The following FGF12 variants were observed in gnomAD, a reference collection of about 807,000 sequenced individuals.
FGF12 encodes the protein fibroblast growth factor 12B.
In FGF12, 14 loss-of-function variants were observed where a neutral mutation model predicts 23.6. The ratio of observed to expected loss-of-function variants is 0.59; its 90% CI spans 0.39 to 0.93. The LOEUF (loss-of-function observed/expected upper bound fraction) is 0.93, where lower values mean the gene tolerates loss of function less well. Ranked by LOEUF, FGF12 falls within the 40% of genes least tolerant of loss-of-function variation. FGF12 has a pLI of 0.00. For synonymous variants in FGF12, 62 were observed against 77.3 expected (o/e 0.80, Z 1.04); for missense variants, 175 against 217.8 (o/e 0.80, Z 1.24).
chr3:192,563,845 T>A (rs768964994), intron 2 of FGF12, among the ~76,000 whole-genome samples: 17 of 152,190 alleles, frequency 1.1e-4, no homozygotes, highest in Non-Finnish European at 2.1e-4. Flanking sequence ...CAAGAATACC[T>A]ATATCATAGA....
chr3:192,613,837 T>G (rs1208453751), intron 2 of FGF12, among the ~76,000 whole-genome samples: 2 of 151,936 alleles, frequency 1.3e-5, no homozygotes, highest in Non-Finnish European at 2.9e-5. Context: ...AAACTTTTTT[T>G]TTCAGTAATT....
At chr3:192,579,924 C>A (rs1346964889) in intron 2 of FGF12, among the ~76,000 whole-genome samples, 1 of 152,086 alleles carries the variant, frequency 6.6e-6, no homozygotes, top group Non-Finnish European at 1.5e-5. Context: ...TTCATTATTT[C>A]TTTTATCTAT....
chr3:192,529,521 G>A (rs1725035596), intron 2 of FGF12, among the ~76,000 whole-genome samples: 1 of 152,142 alleles, frequency 6.6e-6, no homozygotes, highest in Non-Finnish European at 1.5e-5. Flanking sequence ...CAGTTCCAAA[G>A]TTGCTTCCAC....
intron 2 of FGF12, among the ~76,000 whole-genome samples, chr3:192,675,203 G>A (rs56213899): frequency 0.039 from 6,003 of 152,042 alleles, 393 homozygotes; most frequent in African/African-American, 0.14. Context: ...CCAGTACACT[G>A]CGGCAACAGG....
chr3:192,416,814 T>G (rs150438623), intron 2 of FGF12, among the ~76,000 whole-genome samples: 1 of 152,132 alleles, frequency 6.6e-6, no homozygotes, highest in African/African-American at 2.4e-5. Context: ...GAGGCATTGA[T>G]GTAGATGTCT....
At position 192,174,307 on chromosome 3, in the gene FGF12, C is replaced by T. The variant is rs114554712; in HGVS notation, c.229-3651G>A. On this transcript the variant is annotated intron_variant, in intron 4 of 5. Coordinates refer to ENST00000445105, the MANE Select transcript of FGF12 (RefSeq NM_004113.6). The stretch of plus-strand genomic sequence containing the variant: ...AGTCCTGGGGTCCTGAGCCAGGAAC[C>T]GCATTAGGTAGGAACCGGGCTTTGA... Among the ~76,000 whole-genome samples, 1,379 of 152,200 alleles carry T rather than the reference C, an allele frequency of 9.1e-3. 20 individuals carry two copies. Among genetic ancestry groups the T allele is most frequent in the African/African-American group, 0.032 (1,315 of 41,516 alleles).
chr3:192,419,929 T>TA (rs1395238364), intron 2 of FGF12, among the ~76,000 whole-genome samples: 6 of 152,162 alleles, frequency 3.9e-5, no homozygotes, highest in Non-Finnish European at 8.8e-5. Flanking sequence ...GTTGAAAACC[T>TA]AAATGATAAT....
intron 2 of FGF12, among the ~76,000 whole-genome samples, chr3:192,656,527 T>G (rs1716434303): frequency 6.6e-6 from 1 of 152,144 alleles, no homozygotes; most frequent in South Asian, 2.1e-4. Context: ...TATCTCTGAT[T>G]GTTATAACTG....
intron 2 of FGF12, among the ~76,000 whole-genome samples, chr3:192,576,426 T>C (rs938732699): frequency 2.6e-5 from 4 of 152,130 alleles, no homozygotes; most frequent in African/African-American, 9.7e-5. Flanking sequence ...TTGCACATTT[T>C]CCATAACACT....
intron 2 of FGF12, among the ~76,000 whole-genome samples, chr3:192,489,347 C>T (rs1302233292): frequency 6.6e-6 from 1 of 151,856 alleles, no homozygotes; most frequent in African/African-American, 2.4e-5. Flanking sequence ...TTGCACATTA[C>T]AAAAAACCCA....
At chr3:192,674,862 G>A (rs1447424514) in intron 2 of FGF12, among the ~76,000 whole-genome samples, 1 of 152,208 alleles carries the variant, frequency 6.6e-6, no homozygotes, top group Non-Finnish European at 1.5e-5. Context: ...GCCCACTGGG[G>A]TTTACAGTTT....
intron 2 of FGF12, among the ~76,000 whole-genome samples, chr3:192,450,442 A>G (rs1231095556): frequency 6.6e-6 from 1 of 152,206 alleles, no homozygotes; most frequent in African/African-American, 2.4e-5. Flanking sequence ...GTAATACTAA[A>G]CATAGATAGA....
In FGF12 at chr3:192,461,351, T is replaced by A. The variant is rs145455398; in HGVS notation, c.14-100813A>T. ...ACATTTGCCTAATTTATAATGACAATTGAAAATATTGGCACTGTGATATCA... is the reference window on the plus strand; with the variant it reads ...ACATTTGCCTAATTTATAATGACAAATGAAAATATTGGCACTGTGATATCA... On this transcript the variant is annotated intron_variant, in intron 2 of 5. Coordinates refer to ENST00000445105, the MANE Select transcript of FGF12 (RefSeq NM_004113.6). Among the ~76,000 whole-genome samples, 333 of 152,216 alleles carry A rather than the reference T, an allele frequency of 2.2e-3. 1 individual carries two copies. The highest frequency in any genetic ancestry group is 7.5e-3 in the African/African-American group (311 of 41,534).
intron 4 of FGF12, among the ~76,000 whole-genome samples, chr3:192,261,484 A>C (rs1198857920): frequency 6.6e-6 from 1 of 152,142 alleles, no homozygotes; most frequent in Non-Finnish European, 1.5e-5. Context: ...TGATTACACA[A>C]GCTTTTAAGT....
intron 2 of FGF12, among the ~76,000 whole-genome samples, chr3:192,561,576 A>C (rs1209957171): frequency 2.0e-5 from 3 of 151,980 alleles, no homozygotes; most frequent in African/African-American, 4.8e-5. Flanking sequence ...GTTAGCCAGG[A>C]TAGTCTCGAT....
chr3:192,456,494 G>GA (rs1228693647), intron 2 of FGF12, among the ~76,000 whole-genome samples: 3 of 151,978 alleles, frequency 2.0e-5, no homozygotes, highest in Admixed American at 2.0e-4. Context: ...GCTTATTGTA[G>GA]AAAAAAATTG....
chr3:192,314,298 CAAAAT>C (rs2108675965), intron 4 of FGF12, among the ~76,000 whole-genome samples: 2 of 150,088 alleles, frequency 1.3e-5, no homozygotes, highest in East Asian at 4.0e-4. Flanking sequence ...AAAAAAAAAA[CAAAAT>C]AAAAGCTAAA....
chr3:192,292,296 A>AT (rs113462379), intron 4 of FGF12, among the ~76,000 whole-genome samples: 382 of 146,260 alleles, frequency 2.6e-3, no homozygotes, highest in Non-Finnish European at 3.2e-3. Context: ...ATACCAAACA[A>AT]TTTTTTTTTT....
intron 2 of FGF12, among the ~76,000 whole-genome samples, chr3:192,418,722 C>G (rs1434582974): frequency 6.6e-6 from 1 of 152,068 alleles, no homozygotes; most frequent in Non-Finnish European, 1.5e-5. Context: ...GCACATCCCC[C>G]CTCACTCTCT....
Sources: allele counts gnomAD v4.1 joint callset (sites outside exome capture counted in the v4.1 genomes callset), GRCh38; gene constraint gnomAD v4.1.1; transcripts MANE v1.5; gene names NCBI Gene and HGNC (gene_info 2026-07-23, HGNC 2026-07-21).